The following ACTR3C variants were observed in gnomAD, a reference collection of about 807,000 sequenced individuals.
ACTR3C encodes actin-related protein 3C.
ACTR3C carries 18 observed loss-of-function variants against 26.3 expected under a neutral mutation model. That is an observed-to-expected ratio of 0.68 (90% CI 0.47 to 1.01). The LOEUF (loss-of-function observed/expected upper bound fraction) is 1.01, where lower values mean the gene tolerates loss of function less well. ACTR3C is among the 50% of genes least tolerant of loss of function. The pLI is 0.00. For missense variants in ACTR3C, 184 were observed against 250.7 expected (o/e 0.73, Z 1.80); for synonymous variants, 55 against 94.5 (o/e 0.58, Z 2.42).
At chr7:149,967,736 T>C in the ACTR3C span, among the ~76,000 whole-genome samples, 1 of 152,172 alleles carries the variant, frequency 6.6e-6, no homozygotes, top group African/African-American at 2.4e-5. Flanking sequence ...AATGAGTGTA[T>C]TGCAGGAAAT....
the ACTR3C span, among the ~76,000 whole-genome samples, chr7:149,888,850 A>G: frequency 1.3e-5 from 2 of 152,278 alleles, no homozygotes; most frequent in African/African-American, 4.8e-5. Context: ...TCTACTAAAA[A>G]TACAAAAAGT....
chr7:150,161,887 G>C, the ACTR3C span, among the ~76,000 whole-genome samples: 1 of 151,652 alleles, frequency 6.6e-6, no homozygotes, highest in Non-Finnish European at 1.5e-5. Context: ...ATTTCCTGAG[G>C]CTTACTCTCT....
the ACTR3C span, among the ~76,000 whole-genome samples, chr7:149,956,996 CTG>C: frequency 6.6e-6 from 1 of 152,134 alleles, no homozygotes; most frequent in Non-Finnish European, 1.5e-5. Context: ...GCCATTATTT[CTG>C]TCTCTCATAC....
chr7:149,946,927 ATG>A, the ACTR3C span, among the ~76,000 whole-genome samples: 1 of 151,306 alleles, frequency 6.6e-6, no homozygotes, highest in Admixed American at 6.6e-5. Context: ...TATTGTAACA[ATG>A]AGAAAAAAAG....
At chr7:150,048,017 C>T in the ACTR3C span, among the ~76,000 whole-genome samples, 1 of 152,178 alleles carries the variant, frequency 6.6e-6, no homozygotes, top group African/African-American at 2.4e-5. Context: ...CCGCGCGCCA[C>T]TCGCGAGTCT....
rs879890269 is a variant in ACTR3C, at chr7:150,259,291, A to AAGAAAGAAAGAAAAAG, written c.565-10238_565-10237insCTTTTTCTTTCTTTCT. ...AGAAAGAAAAAGAAAGAAAGAAAGA[A>AAGAAAGAAAGAAAAAG]AAAGAAAGAAAGAAAGAAAAAGAGA... On this transcript the variant is annotated intron_variant, in intron 6 of 7. Transcript: ENST00000683684. 1.0e-3 allele frequency among the ~76,000 whole-genome samples: 153 copies of AAGAAAGAAAGAAAAAG among 149,596 alleles called. 1 individual carries two copies. The highest frequency in any genetic ancestry group is 3.4e-3 in the African/African-American group (133 of 39,392).
the ACTR3C span, among the ~76,000 whole-genome samples, chr7:150,122,234 CTAAT>C: frequency 2.6e-5 from 4 of 151,474 alleles, no homozygotes; most frequent in African/African-American, 4.9e-5. Context: ...CAAATGGGAT[CTAAT>C]TAAAGAGCTT....
the ACTR3C span, among the ~76,000 whole-genome samples, chr7:150,113,584 A>G: frequency 4.6e-5 from 7 of 152,180 alleles, no homozygotes; most frequent in Admixed American, 4.6e-4. Context: ...AAACAATGAC[A>G]CCAATTTATA....
At chr7:150,048,527 G>A in the ACTR3C span, among the ~76,000 whole-genome samples, 747 of 152,166 alleles carry the variant, frequency 4.9e-3, 2 homozygotes, top group South Asian at 0.015. Flanking sequence ...CTGCGGCCCC[G>A]CCGAAGGTAG....
the ACTR3C span, among the ~76,000 whole-genome samples, chr7:150,168,255 C>T: frequency 4.6e-5 from 7 of 150,844 alleles, no homozygotes; most frequent in East Asian, 1.3e-3. Flanking sequence ...GCTCACATTA[C>T]TGCTGGAGCT....
the ACTR3C span, among the ~76,000 whole-genome samples, chr7:150,022,219 G>C: frequency 6.6e-6 from 1 of 151,694 alleles, no homozygotes; most frequent in South Asian, 2.1e-4. Context: ...CTGATCATTA[G>C]TGATGTTGAG....
chr7:149,989,947 G>A, the ACTR3C span, among the ~76,000 whole-genome samples: 1 of 152,036 alleles, frequency 6.6e-6, no homozygotes. Flanking sequence ...CACTTGTTAT[G>A]GTCCACATTC....
chr7:150,047,455 G>GGC, the ACTR3C span, among the ~76,000 whole-genome samples: 1 of 152,054 alleles, frequency 6.6e-6, no homozygotes. Flanking sequence ...ACCGCGATCT[G>GGC]GCGCCACGGA....
the ACTR3C span, among the ~76,000 whole-genome samples, chr7:150,148,185 A>G: frequency 1.1e-3 from 163 of 146,500 alleles, no homozygotes; most frequent in African/African-American, 1.8e-3. Flanking sequence ...GAAAAGGGGA[A>G]AAAAAAAAAA....
the ACTR3C span, among the ~76,000 whole-genome samples, chr7:149,999,584 C>G: frequency 6.6e-6 from 1 of 151,300 alleles, no homozygotes; most frequent in Admixed American, 6.6e-5. Flanking sequence ...GACTGAGTGG[C>G]CGCCTGACTG....
At chr7:150,304,677 A>T (rs961849773) in intron 1 of ACTR3C, among the ~76,000 whole-genome samples, 3 of 150,824 alleles carry the variant, frequency 2.0e-5, no homozygotes, top group African/African-American at 7.3e-5. Context: ...ATTATCATCC[A>T]TGCACTGCCC....
In ACTR3C at chr7:150,252,590, C is replaced by T. The variant is rs529795466; in HGVS notation, c.565-3536G>A. 4.6e-5 allele frequency among the ~76,000 whole-genome samples: 7 copies of T among 152,236 alleles called. No homozygotes were observed. The East Asian group carries it at 7.7e-4, about 17-fold the overall frequency. The stretch of plus-strand genomic sequence containing the variant: ...AAGAGTAGATTTATACTATATGAAA[C>T]ATTTTAGAGTAATATGATGCAATTT... On this transcript the variant is annotated intron_variant, in intron 6 of 7. Transcript: ENST00000683684.
the ACTR3C span, among the ~76,000 whole-genome samples, chr7:150,122,815 A>G: frequency 6.6e-6 from 1 of 151,830 alleles, no homozygotes; most frequent in Non-Finnish European, 1.5e-5. Context: ...ACTATTCACA[A>G]TAGCAAAGAC....
chr7:150,129,697 T>A, the ACTR3C span, among the ~76,000 whole-genome samples: 1 of 117,386 alleles, frequency 8.5e-6, no homozygotes, highest in Non-Finnish European at 1.9e-5. Flanking sequence ...GGTAAAAATT[T>A]AAAATACCTA....
Sources: allele counts gnomAD v4.1 joint callset (sites outside exome capture counted in the v4.1 genomes callset), GRCh38; gene constraint gnomAD v4.1.1; transcripts MANE v1.5; gene names NCBI Gene and HGNC (gene_info 2026-07-23, HGNC 2026-07-21).